ADGRL2: variants seen among roughly 807,000 people sequenced by gnomAD.
ADGRL2 encodes the protein adhesion G protein-coupled receptor L2.
Under a neutral mutation model 157.4 loss-of-function variants are expected in ADGRL2, and 44 were observed. The ratio of observed to expected loss-of-function variants is 0.28; its 90% CI spans 0.22 to 0.36. The LOEUF (loss-of-function observed/expected upper bound fraction) is 0.36, where lower values mean the gene tolerates loss of function less well. ADGRL2 is among the 10% of genes least tolerant of loss of function. The probability of loss-of-function intolerance (pLI) is 1.00; values close to 1 mark genes in which losing one functional copy is unlikely to be tolerated. For missense variants in ADGRL2, 1,510 were observed against 1,768.9 expected (o/e 0.85, Z 2.63); for synonymous variants, 585 against 624.7 (o/e 0.94, Z 0.95).
chr1:81,817,848 A>G (rs763203772), intron 1 of ADGRL2, among the ~76,000 whole-genome samples: 8 of 152,026 alleles, frequency 5.3e-5, no homozygotes, highest in Admixed American at 5.3e-4. Flanking sequence ...GACGCACAGC[A>G]CTAGAGAATT....
chr1:81,928,601 T>C (rs1426634876), intron 3 of ADGRL2, among the ~76,000 whole-genome samples: 1 of 152,124 alleles, frequency 6.6e-6, no homozygotes, highest in East Asian at 1.9e-4. Flanking sequence ...AATTTACTTA[T>C]TAACATATAA....
intron 3 of ADGRL2, among the ~76,000 whole-genome samples, chr1:81,677,240 C>T (rs1242524838): frequency 6.6e-6 from 1 of 152,170 alleles, no homozygotes; most frequent in East Asian, 1.9e-4. Flanking sequence ...CTGCCTCGGC[C>T]TCCCAAAGTG....
chr1:81,952,468 T>TTA (rs762388293), intron 9 of ADGRL2, among the ~76,000 whole-genome samples: 2 of 152,150 alleles, frequency 1.3e-5, no homozygotes, highest in Non-Finnish European at 2.9e-5. Context: ...TTGATATACT[T>TTA]TATATGCTAA....
chr1:81,460,198 T>C (rs966337303), intron 2 of ADGRL2, among the ~76,000 whole-genome samples: 4 of 151,928 alleles, frequency 2.6e-5, no homozygotes, highest in Non-Finnish European at 5.9e-5. Flanking sequence ...CTTTTTAGTT[T>C]GATGTCCTCC....
intron 1 of ADGRL2, among the ~76,000 whole-genome samples, chr1:81,825,956 G>A (rs1026970090): frequency 5.3e-5 from 8 of 152,044 alleles, no homozygotes; most frequent in Admixed American, 5.2e-4. Context: ...TAGGACAGAG[G>A]GATTGAAAGC....
chr1:81,872,479 A>G (rs2093723888), intron 2 of ADGRL2, among the ~76,000 whole-genome samples: 1 of 152,128 alleles, frequency 6.6e-6, no homozygotes, highest in African/African-American at 2.4e-5. Flanking sequence ...ATAAAACTAT[A>G]CTTTACAGTT....
chr1:81,647,881 G>A (rs2082344110), intron 3 of ADGRL2, among the ~76,000 whole-genome samples: 1 of 152,194 alleles, frequency 6.6e-6, no homozygotes, highest in African/African-American at 2.4e-5. Context: ...ATCTTTATGT[G>A]TTGAAACCAA....
At chr1:81,427,674 G>A (rs866155114) in intron 1 of ADGRL2, 5 of 496,430 alleles carry the variant, frequency 1.0e-5, no homozygotes, top group Middle Eastern at 7.7e-4. Context: ...AGGAAAGCTG[G>A]AGGTTACTTT....
intron 1 of ADGRL2, among the ~76,000 whole-genome samples, chr1:81,421,684 T>C (rs2077127445): frequency 1.3e-5 from 2 of 148,988 alleles, no homozygotes; most frequent in African/African-American, 4.9e-5. Flanking sequence ...CCACACAACA[T>C]CTCAACTAAA....
At chr1:81,667,270 C>T (rs951140732) in intron 3 of ADGRL2, among the ~76,000 whole-genome samples, 3 of 152,172 alleles carry the variant, frequency 2.0e-5, no homozygotes, top group Non-Finnish European at 4.4e-5. Flanking sequence ...CCTTCCCACA[C>T]AACAAGAGAA....
chr1:81,778,481 A>G (rs902548620), intron 2 of ADGRL2, among the ~76,000 whole-genome samples: 1 of 152,150 alleles, frequency 6.6e-6, no homozygotes, highest in Non-Finnish European at 1.5e-5. Context: ...AAGAACATCT[A>G]AGAGTAGGCT....
At chr1:81,519,458 A>G (rs1557753352) in intron 2 of ADGRL2, among the ~76,000 whole-genome samples, 1 of 152,196 alleles carries the variant, frequency 6.6e-6, no homozygotes, top group African/African-American at 2.4e-5. Context: ...TTTAGCAGTG[A>G]AAGAAAAAAA....
In ADGRL2 at chr1:81,410,770, A is replaced by G. The variant is rs141231904; in HGVS notation, c.-301-34266A>G. The stretch of plus-strand genomic sequence containing the variant: ...GATGGGTTCGGTGCTCAGCCCTAAA[A>G]CAATTGCAATTAAAAATAATTCCAG... On this transcript the variant is annotated intron_variant, in intron 1 of 24. Transcript: ENST00000370721. Among the ~76,000 whole-genome samples, 659 of 152,344 alleles carry G rather than the reference A, an allele frequency of 4.3e-3. 7 individuals carry two copies. The highest frequency in any genetic ancestry group is 0.015 in the African/African-American group (605 of 41,586).
Position 81,843,837 on chromosome 1 carries a change from G to C in ADGRL2, c.73+6780G>C, listed in dbSNP as rs369136285. ...TTTCATAAATGAAGATAAAGTTCAA[G>C]TGCTTGATTGTCGATTTTTTTTTCT... On this transcript the variant is annotated intron_variant, in intron 2 of 23. Transcript: ENST00000686636. 2.0e-5 allele frequency among the ~76,000 whole-genome samples: 3 copies of C among 152,132 alleles called. No homozygotes were observed. The East Asian group carries it at 5.8e-4, about 29-fold the overall frequency.
intron 1 of ADGRL2, among the ~76,000 whole-genome samples, chr1:81,432,225 G>C (rs559555437): frequency 6.6e-6 from 1 of 152,174 alleles, no homozygotes. Context: ...GAGACCATAC[G>C]CAGTGAAGAA....
intron 2 of ADGRL2, among the ~76,000 whole-genome samples, chr1:81,856,937 T>G (rs1311949562): frequency 6.6e-6 from 1 of 152,282 alleles, no homozygotes; most frequent in Admixed American, 6.5e-5. Flanking sequence ...TTGGGAAACT[T>G]TTGTTATAGA....
chr1:81,977,797 T>C (rs955784786), intron 17 of ADGRL2, among the ~76,000 whole-genome samples: 4 of 151,592 alleles, frequency 2.6e-5, no homozygotes, highest in African/African-American at 9.7e-5. Flanking sequence ...GGAAATTGTT[T>C]AAGAAGAGCA....
chr1:81,904,998 G>C (rs532073335), intron 2 of ADGRL2, among the ~76,000 whole-genome samples: 21 of 152,164 alleles, frequency 1.4e-4, no homozygotes, highest in African/African-American at 4.8e-4. Context: ...ATATTCGAAC[G>C]ATAGCAAGTA....
chr1:81,391,429 T>C (rs1170671468), intron 1 of ADGRL2, among the ~76,000 whole-genome samples: 1 of 152,308 alleles, frequency 6.6e-6, no homozygotes, highest in Admixed American at 6.5e-5. Context: ...AGTGCTTCTC[T>C]AGGCATTTGC....
Sources: gnomAD v4.1 joint callset for allele counts (sites outside exome capture counted in the v4.1 genomes callset) on GRCh38, gnomAD v4.1.1 for gene constraint, MANE v1.5 for transcripts, NCBI Gene and HGNC (gene_info 2026-07-23, HGNC 2026-07-21) for gene names.